Variants in CBFA2T2 observed in about 807,000 individuals in gnomAD.
CBFA2T2 encodes the protein protein CBFA2T2.
A neutral mutation model predicts 62.2 loss-of-function variants in CBFA2T2; 11 were observed. That is an observed-to-expected ratio of 0.18 (90% CI 0.11 to 0.29). The LOEUF is 0.29. Ranked by LOEUF, CBFA2T2 falls within the 10% of genes least tolerant of loss-of-function variation. The pLI is 1.00. For missense variants in CBFA2T2, 592 were observed against 774.1 expected (o/e 0.76, Z 2.79); for synonymous variants, 295 against 287.5 (o/e 1.03, Z -0.27).
intron 3 of CBFA2T2, among the ~76,000 whole-genome samples, chr20:33,612,569 A>G (rs919184594): frequency 4.6e-5 from 7 of 152,224 alleles, no homozygotes; most frequent in African/African-American, 1.4e-4. Context: ...CTATTATGCT[A>G]GATATTAAAG....
rs114351290 is a variant in CBFA2T2, at chr20:33,605,305, T to C, written c.35-1651T>C. ...TGGACTTTACCTTCTTATTTGAGCC[T>C]TTGCTCCCCATTTTTTACACTTTAA... On this transcript the variant is annotated intron_variant, in intron 1 of 10. Transcript: ENST00000342704. 5.2e-3 allele frequency among the ~76,000 whole-genome samples: 795 copies of C among 152,344 alleles called. 9 individuals carry two copies. The highest frequency in any genetic ancestry group is 0.018 in the African/African-American group (733 of 41,580).
At chr20:33,512,869 C>T (rs1302566650) in intron 1 of CBFA2T2, among the ~76,000 whole-genome samples, 1 of 151,572 alleles carries the variant, frequency 6.6e-6, no homozygotes, top group African/African-American at 2.4e-5. Context: ...TTTCCTGCCT[C>T]AGCCTCCCAA....
intron 1 of CBFA2T2, among the ~76,000 whole-genome samples, chr20:33,492,731 G>T (rs183755747): frequency 6.6e-6 from 1 of 151,922 alleles, no homozygotes; most frequent in Non-Finnish European, 1.5e-5. Context: ...TGCTAGTCCG[G>T]AAGTCCTGGG....
intron 4 of CBFA2T2, 86 bp from the exon 5 acceptor site, chr20:33,623,029 T>TA: frequency 7.9e-7 from 1 of 1,270,694 alleles, no homozygotes; most frequent in Middle Eastern, 2.7e-4. Context: ...TTTTATCTTG[T>TA]ATCATCTGCT....
Position 33,490,194 on chromosome 20 carries a change from T to C in CBFA2T2, c.-74T>C. The C allele has an allele frequency of 8.4e-7, 1 of 1,197,400 alleles. No individual in the cohort carries two copies. The highest frequency in any genetic ancestry group is 3.4e-5 in the East Asian group (1 of 29,160). The allele number at this position is 1,197,400 out of a possible 1,614,324, so 74.2% of individuals were successfully genotyped here. A position where few individuals can be genotyped will look rare whatever the true frequency, so the allele number is the denominator to read the frequency against. On this transcript the variant is annotated 5_prime_UTR_variant, in exon 1 of 11. Transcript: ENST00000342704. ...GCCTGCGAGGGACCCGGGCCGCGGG[T>C]CGAGGCGGGCGGCGCCTGCGAGGGA... is the stretch of plus-strand genomic sequence containing the variant.
intron 1 of CBFA2T2, among the ~76,000 whole-genome samples, chr20:33,517,613 C>CT (rs1326971658): frequency 6.6e-6 from 1 of 150,890 alleles, no homozygotes; most frequent in Non-Finnish European, 1.5e-5. Flanking sequence ...CCATGCACAG[C>CT]TTTTTTGTAT....
chr20:33,564,727 G>A lies in CBFA2T2; in HGVS notation c.35-42229G>A, dbSNP rs974346337. On this transcript the variant is annotated intron_variant, in intron 1 of 10. Transcript: ENST00000342704. ...CCTGAGTAGCTGGGACCACAGGCAC[G>A]CACCACCACGCCCAGCTAATTTTGG... Among the ~76,000 whole-genome samples, 6 of 150,644 alleles carry A rather than the reference G, an allele frequency of 4.0e-5. No homozygotes were observed. In the South Asian group the frequency reaches 6.3e-4, roughly 16 times the overall value.
chr20:33,551,829 G>A (rs974424036), intron 1 of CBFA2T2, among the ~76,000 whole-genome samples: 2 of 152,174 alleles, frequency 1.3e-5, no homozygotes, highest in African/African-American at 4.8e-5. Context: ...ACTTCTCCTG[G>A]CCTGTTCCAT....
intron 1 of CBFA2T2, among the ~76,000 whole-genome samples, chr20:33,517,811 A>G (rs542843199): frequency 1.3e-5 from 2 of 151,168 alleles, no homozygotes; most frequent in South Asian, 2.1e-4. Flanking sequence ...TACCTGGCCA[A>G]TTTTTTGTAT....
intron 1 of CBFA2T2, among the ~76,000 whole-genome samples, chr20:33,535,651 A>AT (rs1410290788): frequency 7.9e-5 from 11 of 139,500 alleles, no homozygotes; most frequent in African/African-American, 1.1e-4. Flanking sequence ...TTAAATATTT[A>AT]TTTATTTTAT....
At chr20:33,581,480 T>TTGTGTG (rs3051490) in intron 1 of CBFA2T2, among the ~76,000 whole-genome samples, 21 of 150,558 alleles carry the variant, frequency 1.4e-4, no homozygotes, top group African/African-American at 3.7e-4. Flanking sequence ...TTTTTGTTCT[T>TTGTGTG]TGTGTGTGTG....
chr20:33,625,906 A>G (rs1003340858), intron 6 of CBFA2T2, among the ~76,000 whole-genome samples: 2 of 152,108 alleles, frequency 1.3e-5, no homozygotes, highest in African/African-American at 4.8e-5. Context: ...ATGGAGACCA[A>G]TCTGGCTAAT....
intron 1 of CBFA2T2, among the ~76,000 whole-genome samples, chr20:33,515,866 T>C (rs964767991): frequency 6.6e-6 from 1 of 150,938 alleles, no homozygotes; most frequent in Admixed American, 6.6e-5. Context: ...AAAGATAGCT[T>C]TCAAAAATTA....
chr20:33,592,847 A>G (rs768309897), intron 1 of CBFA2T2, among the ~76,000 whole-genome samples: 51 of 152,188 alleles, frequency 3.4e-4, no homozygotes, highest in Non-Finnish European at 3.2e-4. Flanking sequence ...GGAAGACAGA[A>G]TAATGTCTTA....
At chr20:33,601,877 T>C (rs1488332042) in intron 1 of CBFA2T2, 1 of 151,140 alleles carries the variant, frequency 6.6e-6, no homozygotes, top group Non-Finnish European at 1.5e-5. Context: ...TGATCACAGC[T>C]CACTGCAGCC....
intron 1 of CBFA2T2, among the ~76,000 whole-genome samples, chr20:33,547,497 G>A (rs1255845831): frequency 6.6e-6 from 1 of 152,114 alleles, no homozygotes; most frequent in African/African-American, 2.4e-5. Flanking sequence ...GAGTCTAGGA[G>A]TTTGAGACCC....
intron 1 of CBFA2T2, among the ~76,000 whole-genome samples, chr20:33,578,413 A>C (rs952630484): frequency 6.6e-6 from 1 of 152,234 alleles, no homozygotes; most frequent in African/African-American, 2.4e-5. Context: ...GATTTGTAGA[A>C]AGAACCATAA....
At chr20:33,605,853 C>G (rs2015322062) in intron 1 of CBFA2T2, among the ~76,000 whole-genome samples, 1 of 151,442 alleles carries the variant, frequency 6.6e-6, no homozygotes, top group African/African-American at 2.4e-5. Context: ...CAGAGTCGCT[C>G]TGTCACCCAG....
intron 1 of CBFA2T2, among the ~76,000 whole-genome samples, chr20:33,564,324 G>A (rs565529781): frequency 3.3e-5 from 5 of 149,828 alleles, no homozygotes; most frequent in Admixed American, 2.7e-4. Flanking sequence ...GTGCAGTGGC[G>A]CGGTCTCGGC....
Sources: gnomAD v4.1 joint callset for allele counts (sites outside exome capture counted in the v4.1 genomes callset) on GRCh38, gnomAD v4.1.1 for gene constraint, MANE v1.5 for transcripts, NCBI Gene and HGNC (gene_info 2026-07-23, HGNC 2026-07-21) for gene names.